The following MAN1A2 variants were observed in gnomAD, a reference collection of about 807,000 sequenced individuals.
MAN1A2 encodes mannosidase alpha class 1A member 2.
MAN1A2 carries 26 observed loss-of-function variants against 75.7 expected under a neutral mutation model. That is an observed-to-expected ratio of 0.34 (90% CI 0.25 to 0.48). MAN1A2 has a LOEUF of 0.48. Among genes scored for constraint, MAN1A2 ranks in the 20% least tolerant of loss-of-function variants. The probability of loss-of-function intolerance (pLI) is 0.99; values close to 1 mark genes in which losing one functional copy is unlikely to be tolerated. For missense variants in MAN1A2, 562 were observed against 775.5 expected (o/e 0.72, Z 3.27); for synonymous variants, 247 against 264.6 (o/e 0.93, Z 0.65).
chr1:117,426,030 T>C (rs554187058), intron 5 of MAN1A2, among the ~76,000 whole-genome samples: 134 of 152,240 alleles, frequency 8.8e-4, no homozygotes, highest in African/African-American at 3.1e-3. Context: ...GTGAGTTCTT[T>C]TAGTTTTTGT....
intron 6 of MAN1A2, among the ~76,000 whole-genome samples, chr1:117,457,740 T>C (rs1649651634): frequency 6.6e-6 from 1 of 152,166 alleles, no homozygotes; most frequent in Non-Finnish European, 1.5e-5. Context: ...TATGCTTTAT[T>C]CCTTAAGTAT....
At chr1:117,387,420 A>G (rs1050024212) in intron 1 of MAN1A2, among the ~76,000 whole-genome samples, 1 of 152,194 alleles carries the variant, frequency 6.6e-6, no homozygotes, top group African/African-American at 2.4e-5. Flanking sequence ...AGTGATTGTT[A>G]TGATTTCAAT....
intron 3 of MAN1A2, among the ~76,000 whole-genome samples, chr1:117,407,592 A>G (rs948827552): frequency 6.6e-6 from 1 of 152,196 alleles, no homozygotes; most frequent in Non-Finnish European, 1.5e-5. Flanking sequence ...TTATTAAACA[A>G]TTCTTTTATA....
At chr1:117,380,209 A>G (rs892039016) in intron 1 of MAN1A2, among the ~76,000 whole-genome samples, 17 of 152,204 alleles carry the variant, frequency 1.1e-4, no homozygotes, top group Admixed American at 2.0e-4. Context: ...GATGAATTGA[A>G]TGAATGAGTA....
intron 5 of MAN1A2, among the ~76,000 whole-genome samples, chr1:117,439,498 C>CTT (rs552558755): frequency 1.1e-3 from 158 of 147,126 alleles, no homozygotes; most frequent in African/African-American, 3.6e-3. Flanking sequence ...TGTTGTCTTA[C>CTT]TTTTTTTTTT....
chr1:117,490,820 C>T (rs1650854836), intron 8 of MAN1A2, among the ~76,000 whole-genome samples: 1 of 151,988 alleles, frequency 6.6e-6, no homozygotes, highest in African/African-American at 2.4e-5. Context: ...AATGAGAAAA[C>T]AAAATAGCCA....
intron 5 of MAN1A2, among the ~76,000 whole-genome samples, chr1:117,430,161 C>T (rs1401127460): frequency 2.3e-5 from 2 of 87,654 alleles, no homozygotes; most frequent in East Asian, 7.4e-4. Context: ...GGTGGCCGGG[C>T]AGAGGCGCCC....
rs12074058 is a variant in MAN1A2 at position 117,400,334 on chromosome 1, T to C, written c.303-1852T>C. Among the ~76,000 whole-genome samples, 1,203 of 151,992 alleles carry C rather than the reference T, an allele frequency of 7.9e-3. 12 individuals are homozygous for C. The highest frequency in any genetic ancestry group is 0.027 in the African/African-American group (1,115 of 41,412). ...TTCAGTGCTAATAACTCTTTTTTTT[T>C]CTCCAGTGTTTAACATTTTATTGTT... is the stretch of plus-strand genomic sequence containing the variant. On this transcript the variant is annotated intron_variant, in intron 1 of 12. Coordinates refer to ENST00000356554, the MANE Select transcript of MAN1A2 (RefSeq NM_006699.5).
chr1:117,458,524 T>TATATATATATAA (rs373076182), intron 6 of MAN1A2, among the ~76,000 whole-genome samples: 16 of 71,676 alleles, frequency 2.2e-4, no homozygotes, highest in African/African-American at 8.5e-4. Context: ...TATATATATA[T>TATATATATATAA]TTTTTTTTTT....
intron 3 of MAN1A2, among the ~76,000 whole-genome samples, chr1:117,406,137 T>C (rs947829121): frequency 2.6e-5 from 4 of 152,138 alleles, no homozygotes; most frequent in Non-Finnish European, 5.9e-5. Context: ...GTTCTGTGAA[T>C]GGAGGTTTGG....
chr1:117,426,000 A>G (rs540987558), intron 5 of MAN1A2, among the ~76,000 whole-genome samples: 4 of 152,054 alleles, frequency 2.6e-5, no homozygotes, highest in African/African-American at 4.8e-5. Flanking sequence ...AACATTTTTT[A>G]TAGTATAGGT....
At chr1:117,508,487 G>T (rs994153521) in intron 12 of MAN1A2, among the ~76,000 whole-genome samples, 1 of 151,062 alleles carries the variant, frequency 6.6e-6, no homozygotes, top group Non-Finnish European at 1.5e-5. Flanking sequence ...TTCAAACTTT[G>T]AATATAGTAA....
At chr1:117,502,800 C>G (rs958376039) in intron 11 of MAN1A2, 55 bp from the exon 12 acceptor site, 4 of 888,208 alleles carry the variant, frequency 4.5e-6, no homozygotes, top group Non-Finnish European at 7.4e-6. Context: ...GTTTTGTTGT[C>G]CTTCAAAACT....
chr1:117,488,287 C>T (rs1211226693), intron 8 of MAN1A2, among the ~76,000 whole-genome samples: 3 of 151,894 alleles, frequency 2.0e-5, no homozygotes, highest in Non-Finnish European at 4.4e-5. Context: ...CTTCTGCCTC[C>T]TGGGTTCAAG....
chr1:117,427,884 T>C (rs1386674164), intron 5 of MAN1A2, among the ~76,000 whole-genome samples: 2 of 152,130 alleles, frequency 1.3e-5, no homozygotes, highest in African/African-American at 4.8e-5. Context: ...ATAACATACA[T>C]AGATGTAATA....
rs1326144513 is a variant in MAN1A2 at position 117,526,864 on chromosome 1, CTCTCTCTCTCTCTCTCTATA to C, written c.*3909_*3928del. On this transcript the variant is annotated 3_prime_UTR_variant, in exon 13 of 13. Coordinates refer to ENST00000356554, the MANE Select transcript of MAN1A2 (RefSeq NM_006699.5). Reference sequence around the variant, plus strand: ...TTCCTCTCTCTCTCTCTCTCTCTCTCTCTCTCTCTCTCTCTCTATATATATATATATATATATATATATAT... The same window carrying C: ...TTCCTCTCTCTCTCTCTCTCTCTCTCTATATATATATATATATATATATAT... The C allele has an allele frequency of 5.2e-3, 502 of 96,310 alleles. 4 individuals carry two copies. The highest frequency in any genetic ancestry group is 0.019 in the Middle Eastern group (4 of 208). The allele number at this position is 96,310 out of a possible 1,614,324, so 6.0% of individuals were successfully genotyped here. A position where few individuals can be genotyped will look rare whatever the true frequency, so the allele number is the denominator to read the frequency against.
intron 5 of MAN1A2, among the ~76,000 whole-genome samples, chr1:117,426,498 G>A (rs745323921): frequency 2.6e-5 from 4 of 152,088 alleles, no homozygotes; most frequent in Admixed American, 6.5e-5. Flanking sequence ...AACATCCTAA[G>A]TTGAAAATGC....
intron 1 of MAN1A2, among the ~76,000 whole-genome samples, chr1:117,391,854 A>G (rs999617782): frequency 6.6e-6 from 1 of 152,164 alleles, no homozygotes; most frequent in African/African-American, 2.4e-5. Context: ...ACCCGTTTCT[A>G]TCCAGTCAGT....
At chr1:117,397,677 T>TACG (rs1647227688) in intron 1 of MAN1A2, among the ~76,000 whole-genome samples, 1 of 138,462 alleles carries the variant, frequency 7.2e-6, no homozygotes, top group Admixed American at 7.7e-5. Context: ...GGAGACGTAG[T>TACG]TTCGCTTTTG....
Sources: allele counts gnomAD v4.1 joint callset (sites outside exome capture counted in the v4.1 genomes callset), GRCh38; gene constraint gnomAD v4.1.1; transcripts MANE v1.5; gene names NCBI Gene and HGNC (gene_info 2026-07-23, HGNC 2026-07-21).